Variants in CSMD2 observed in about 807,000 individuals in gnomAD.
CSMD2 encodes CUB and Sushi multiple domains 2.
In CSMD2, 130 loss-of-function variants were observed where a neutral mutation model predicts 398.5. The observed-to-expected ratio is 0.33, with a 90% CI of 0.28 to 0.38. The LOEUF (loss-of-function observed/expected upper bound fraction) is 0.38. Ranked by LOEUF, CSMD2 falls within the 10% of genes least tolerant of loss-of-function variation. The pLI, the probability that CSMD2 is intolerant of heterozygous loss-of-function variation, is 1.00. For missense variants in CSMD2, 3,829 were observed against 4,764.9 expected, an observed-to-expected ratio of 0.80 and a Z score of 5.78; for synonymous variants, 1,828 against 1,908.5, an observed-to-expected ratio of 0.96 and a Z score of 1.10.
intron 29 of CSMD2, among the ~76,000 whole-genome samples, chr1:33,645,589 T>C (rs777737356): frequency 3.6e-4 from 55 of 152,242 alleles, no homozygotes; most frequent in Non-Finnish European, 6.6e-4. Flanking sequence ...AAAGAGATAA[T>C]AGCGTAGAAG....
At chr1:33,849,396 A>G (rs919777357) in intron 5 of CSMD2, among the ~76,000 whole-genome samples, 2 of 152,216 alleles carry the variant, frequency 1.3e-5, no homozygotes, top group African/African-American at 2.4e-5. Flanking sequence ...CAAAGAGGAT[A>G]TACTGAGAGT....
intron 27 of CSMD2, among the ~76,000 whole-genome samples, chr1:33,653,567 G>GAC (rs1242007976): frequency 3.3e-5 from 5 of 152,132 alleles, no homozygotes; most frequent in Non-Finnish European, 5.9e-5. Flanking sequence ...CCCCTGAGAT[G>GAC]ACAGGTCTCT....
intron 3 of CSMD2, among the ~76,000 whole-genome samples, chr1:33,982,586 A>G (rs1306993400): frequency 6.6e-6 from 1 of 152,234 alleles, no homozygotes; most frequent in African/African-American, 2.4e-5. Flanking sequence ...TATGTGGCAC[A>G]TGGTAGGAAC....
chr1:33,700,574 G>A lies in CSMD2; in HGVS notation c.3676C>T (p.Leu1226Phe). The A allele has an allele frequency of 1.2e-6, 2 of 1,614,198 alleles. No individual in the cohort carries two copies. Among genetic ancestry groups the A allele is most frequent in the Non-Finnish European group, 1.7e-6 (2 of 1,180,032 alleles). ...TLNSTSSSLW[L>F]DFITDAENTS... ...TTTTCAGCATCAGTGATGAAATCAA[G>A]CCACAGACTGCTGGATGTGCTGTTC... The change falls in exon 23 of 71, where the codon CTT (leucine) becomes TTT (phenylalanine). Residue 1226 changes from leucine (L) to phenylalanine (F), a missense_variant. By Grantham distance (22) the Leu-to-Phe change is conservative (BLOSUM62 0). Around this residue, in one of 5 missense-constraint regions of CSMD2, gnomAD observed 2,001 missense variants for 2,567.1 expected, o/e 0.78. Transcript: ENST00000373381.
chr1:34,125,507 CTGTGTGTGTGTGTGTGTGTG>C (rs35436778), intron 1 of CSMD2, among the ~76,000 whole-genome samples: 2 of 141,196 alleles, frequency 1.4e-5, no homozygotes, highest in East Asian at 2.2e-4. Flanking sequence ...TCAACCTTGG[CTGTGTGTGTGTGTGTGTGTG>C]TGTGTGTGTG....
At chr1:33,721,126 C>T (rs749567644) in intron 19 of CSMD2, among the ~76,000 whole-genome samples, 5 of 152,286 alleles carry the variant, frequency 3.3e-5, no homozygotes, top group African/African-American at 7.2e-5. Flanking sequence ...ACCTTTCAAC[C>T]GGGCTATGTC....
chr1:33,924,335 A>G (rs1644049801), intron 4 of CSMD2, among the ~76,000 whole-genome samples: 1 of 152,160 alleles, frequency 6.6e-6, no homozygotes, highest in Non-Finnish European at 1.5e-5. Flanking sequence ...CACTGCACCT[A>G]GCTAATTTCA....
At chr1:33,579,312 G>T (rs1638525390) in intron 48 of CSMD2, among the ~76,000 whole-genome samples, 1 of 152,184 alleles carries the variant, frequency 6.6e-6, no homozygotes, top group Non-Finnish European at 1.5e-5. Flanking sequence ...GAAGCCTGAA[G>T]TGGTTAAGTA....
In CSMD2 at chr1:33,540,637, C is replaced by T. The variant is rs779718070; in HGVS notation, c.9519G>A (p.Met3173Ile). Reference protein sequence around the residue: ...PNGKVVGSDFMWGSSVTYACL... With the variant: ...PNGKVVGSDFIWGSSVTYACL... ...AGGCATAAGTCACACTTGAGCCCCACATGAAGTCAGACCCCACCACCTTCC... is the reference window on the plus strand; with the variant it reads ...AGGCATAAGTCACACTTGAGCCCCATATGAAGTCAGACCCCACCACCTTCC... Residue 3173 changes from methionine (M) to isoleucine (I), a missense_variant, in exon 60 of 71, where the codon ATG becomes ATA. Coordinates refer to ENST00000373381, the MANE Select transcript of CSMD2 (RefSeq NM_001281956.2). 6.2e-7 allele frequency: 1 copy of T among 1,614,242 alleles called. No individual in the cohort carries two copies. The highest frequency in any genetic ancestry group is 1.1e-5 in the South Asian group (1 of 91,080).
intron 60 of CSMD2, among the ~76,000 whole-genome samples, chr1:33,538,784 A>T (rs935364968): frequency 6.6e-6 from 1 of 152,212 alleles, no homozygotes; most frequent in Non-Finnish European, 1.5e-5. Flanking sequence ...GTAAATATTT[A>T]AAAATACTGG....
chr1:33,625,280 G>T (rs1395163221), intron 33 of CSMD2, 26 bp from the exon 34 acceptor site: 1 of 1,593,332 alleles, frequency 6.3e-7, no homozygotes. Context: ...GCACTGAGGG[G>T]AGGCCTCACC....
At chr1:33,901,139 C>A (rs980860362) in intron 5 of CSMD2, among the ~76,000 whole-genome samples, 9 of 152,206 alleles carry the variant, frequency 5.9e-5, no homozygotes, top group African/African-American at 2.2e-4. Flanking sequence ...CCCAATGGGG[C>A]AAGATGGCAT....
At chr1:33,768,544 G>A (rs1309213440) in intron 13 of CSMD2, among the ~76,000 whole-genome samples, 7 of 87,340 alleles carry the variant, frequency 8.0e-5, no homozygotes, top group African/African-American at 3.5e-4. Flanking sequence ...GCATGTGTGT[G>A]TGTGTGTGTG....
At chr1:33,832,689 T>C (rs1286161977) in intron 6 of CSMD2, among the ~76,000 whole-genome samples, 4 of 150,542 alleles carry the variant, frequency 2.7e-5, no homozygotes, top group Non-Finnish European at 4.4e-5. Flanking sequence ...AAAAAACCCT[T>C]CAAAAAATTA....
intron 15 of CSMD2, among the ~76,000 whole-genome samples, chr1:33,729,903 C>T (rs1646667183): frequency 6.6e-6 from 1 of 152,060 alleles, no homozygotes; most frequent in Non-Finnish European, 1.5e-5. Context: ...TGGTAATATC[C>T]AACAAAATGC....
chr1:33,772,510 G>A (rs533035479), intron 13 of CSMD2, 59 bp downstream of exon 13: 6 of 1,527,038 alleles, frequency 3.9e-6, no homozygotes, highest in Non-Finnish European at 5.4e-6. Context: ...GATTAGCTAG[G>A]AAACGGGCCC....
chr1:34,107,325 T>G (rs1022353987), intron 1 of CSMD2, among the ~76,000 whole-genome samples: 5 of 152,236 alleles, frequency 3.3e-5, no homozygotes, highest in African/African-American at 9.6e-5. Flanking sequence ...TGTGTCCCAG[T>G]GAGTGCTTCC....
chr1:33,536,502 C>T (rs933676376), intron 62 of CSMD2, among the ~76,000 whole-genome samples: 5 of 152,208 alleles, frequency 3.3e-5, no homozygotes, highest in African/African-American at 7.2e-5. Context: ...GGATTACAGG[C>T]GTGAGCCACC....
At chr1:33,993,176 G>A (rs531748163) in intron 3 of CSMD2, among the ~76,000 whole-genome samples, 174 of 152,182 alleles carry the variant, frequency 1.1e-3, no homozygotes, top group Non-Finnish European at 2.2e-3. Flanking sequence ...GAACCTGGAA[G>A]GTTACGCATC....
Sources: allele counts gnomAD v4.1 joint callset (sites outside exome capture counted in the v4.1 genomes callset), GRCh38; gene constraint gnomAD v4.1.1; regional missense constraint gnomAD v4.1.1; transcripts MANE v1.5; gene names NCBI Gene and HGNC (gene_info 2026-07-23, HGNC 2026-07-21).